The following NLGN4Y variants were observed in gnomAD, a reference collection of about 807,000 sequenced individuals.
NLGN4Y encodes the protein neuroligin-4, Y-linked.
Under a neutral mutation model 8.4 loss-of-function variants are expected in NLGN4Y, and 4 were observed. The observed-to-expected ratio is 0.48, with a 90% CI of 0.23 to 1.09. NLGN4Y has a LOEUF of 1.09. Among genes scored for constraint, NLGN4Y ranks in the 50% least tolerant of loss-of-function variants. The probability of loss-of-function intolerance (pLI) is 0.19; values close to 1 mark genes in which losing one functional copy is unlikely to be tolerated. For missense variants in NLGN4Y, 90 were observed against 192.3 expected, an observed-to-expected ratio of 0.47 and a Z score of 3.15; for synonymous variants, 35 against 75.6, an observed-to-expected ratio of 0.46 and a Z score of 2.78.
chrY:14,586,557 C>T (rs764336775), intron 1 of NLGN4Y, among the ~76,000 whole-genome samples: 219 of 32,632 alleles, frequency 6.7e-3, no homozygotes, highest in Non-Finnish European at 0.011. Context: ...AGGCCGGGTG[C>T]ATTGGCTCAC....
At chrY:14,700,312 G>C in intron 2 of NLGN4Y, among the ~76,000 whole-genome samples, 1 of 33,080 alleles carries the variant, frequency 3.0e-5, no homozygotes, top group East Asian at 8.1e-4. Context: ...TCCACACCTG[G>C]ATACAGCAAT....
intron 6 of NLGN4Y, 121 bp downstream of exon 6, chrY:14,830,640 G>T: frequency 4.7e-6 from 1 of 211,270 alleles, no homozygotes; most frequent in East Asian, 1.1e-4. Context: ...TACACATACA[G>T]ACACAAGCTT....
chrY:14,704,937 G>T, intron 2 of NLGN4Y, among the ~76,000 whole-genome samples: 1 of 33,379 alleles, frequency 3.0e-5, no homozygotes, highest in Non-Finnish European at 7.4e-5. Context: ...AGATTTTCTA[G>T]TTTGTTTGTG....
At chrY:14,581,396 A>C (rs2080319932) in intron 1 of NLGN4Y, among the ~76,000 whole-genome samples, 1 of 32,688 alleles carries the variant, frequency 3.1e-5, no homozygotes, top group African/African-American at 1.2e-4. Flanking sequence ...GGTAAAAGAA[A>C]ATTGAAGAGG....
intron 5 of NLGN4Y, among the ~76,000 whole-genome samples, chrY:14,828,339 GTA>G (rs371500808): frequency 6.8e-5 from 2 of 29,625 alleles, no homozygotes; most frequent in African/African-American, 2.7e-4. Flanking sequence ...ATATATGTGA[GTA>G]TATATATATA....
chrY:14,815,656 T>C (rs2043099493), intron 4 of NLGN4Y, among the ~76,000 whole-genome samples: 1 of 33,405 alleles, frequency 3.0e-5, no homozygotes, highest in Non-Finnish European at 7.4e-5. Flanking sequence ...CAGGGCCATA[T>C]ATGGGCTTTT....
At chrY:14,713,185 C>T (rs2080904988) in intron 2 of NLGN4Y, among the ~76,000 whole-genome samples, 2 of 33,754 alleles carry the variant, frequency 5.9e-5, no homozygotes, top group Non-Finnish European at 1.5e-4. Flanking sequence ...ATATGAACTA[C>T]TAAATACATT....
At chrY:14,702,351 C>T in intron 2 of NLGN4Y, among the ~76,000 whole-genome samples, 1 of 31,442 alleles carries the variant, frequency 3.2e-5, no homozygotes, top group Non-Finnish European at 7.7e-5. Context: ...TGTGATGTTC[C>T]CCTTCCTGTG....
intron 2 of NLGN4Y, among the ~76,000 whole-genome samples, chrY:14,674,498 A>G: frequency 3.1e-5 from 1 of 32,094 alleles, no homozygotes; most frequent in Non-Finnish European, 7.5e-5. Flanking sequence ...ATAAATAATA[A>G]TAGTGTTTTT....
At chrY:14,536,500 G>A (rs2080134938) in intron 1 of NLGN4Y, among the ~76,000 whole-genome samples, 2 of 32,239 alleles carry the variant, frequency 6.2e-5, no homozygotes, top group African/African-American at 2.4e-4. Context: ...GCCTGCCTCG[G>A]CCTCCCAAAG....
chrY:14,660,904 G>A, intron 2 of NLGN4Y, among the ~76,000 whole-genome samples: 1 of 32,876 alleles, frequency 3.0e-5, no homozygotes, highest in East Asian at 8.1e-4. Context: ...TATTTCGGTG[G>A]CAGTAAGTGC....
chrY:14,570,129 C>T, intron 1 of NLGN4Y, among the ~76,000 whole-genome samples: 1 of 34,024 alleles, frequency 2.9e-5, no homozygotes, highest in Non-Finnish European at 7.3e-5. Context: ...CTGAACAGCA[C>T]TTTCTTCCTT....
intron 2 of NLGN4Y, among the ~76,000 whole-genome samples, chrY:14,705,931 G>A: frequency 6.0e-5 from 2 of 33,361 alleles, no homozygotes; most frequent in East Asian, 1.6e-3. Context: ...TAAGTGGTTG[G>A]AGTCATAGAG....
intron 4 of NLGN4Y, among the ~76,000 whole-genome samples, chrY:14,822,128 A>C: frequency 2.9e-5 from 1 of 34,404 alleles, no homozygotes; most frequent in Non-Finnish European, 7.2e-5. Flanking sequence ...AAATTTAAAA[A>C]GAAAATTAAT....
At chrY:14,653,695 G>A in intron 2 of NLGN4Y, among the ~76,000 whole-genome samples, 7 of 33,144 alleles carry the variant, frequency 2.1e-4, no homozygotes, top group East Asian at 8.0e-4. Flanking sequence ...GACAACAGGC[G>A]CCCGCCACCG....
intron 1 of NLGN4Y, among the ~76,000 whole-genome samples, chrY:14,614,638 C>T (rs2080481585): frequency 3.0e-5 from 1 of 33,462 alleles, no homozygotes; most frequent in African/African-American, 1.2e-4. Context: ...GATCCAGTTT[C>T]AGCTTTCTAC....
chrY:14,565,272 GA>G (rs2080247445), intron 1 of NLGN4Y, among the ~76,000 whole-genome samples: 2 of 31,080 alleles, frequency 6.4e-5, no homozygotes, highest in Non-Finnish European at 1.5e-4. Context: ...TAAGAACCTT[GA>G]AAAAAGGTGA....
At chrY:14,572,519 G>A in intron 1 of NLGN4Y, among the ~76,000 whole-genome samples, 1 of 32,187 alleles carries the variant, frequency 3.1e-5, no homozygotes, top group African/African-American at 1.2e-4. Context: ...GCGTTTTCTA[G>A]ATATACAATC....
At chrY:14,545,720 T>A in intron 1 of NLGN4Y, among the ~76,000 whole-genome samples, 7 of 33,288 alleles carry the variant, frequency 2.1e-4, no homozygotes, top group African/African-American at 1.2e-4. Context: ...TTTTCTCCCA[T>A]TTTGTAGGTT....
Sources: gnomAD v4.1 joint callset for allele counts (sites outside exome capture counted in the v4.1 genomes callset) on GRCh38, gnomAD v4.1.1 for gene constraint, MANE v1.5 for transcripts, NCBI Gene and HGNC (gene_info 2026-07-23, HGNC 2026-07-21) for gene names.